CHN2: variants seen among roughly 807,000 people sequenced by gnomAD.
CHN2 encodes beta-chimaerin.
CHN2 carries 35 observed loss-of-function variants against 56.3 expected under a neutral mutation model. That is an observed-to-expected ratio of 0.62 (90% CI 0.47 to 0.82). The LOEUF is 0.82. CHN2 is among the 40% of genes least tolerant of loss of function. The pLI is 0.00. For synonymous variants in CHN2, 210 were observed against 212.8 expected (o/e 0.99, Z 0.12); for missense variants, 491 against 580.5 (o/e 0.85, Z 1.58).
chr7:29,262,098 G>A (rs1295949314), intron 1 of CHN2, among the ~76,000 whole-genome samples: 1 of 152,190 alleles, frequency 6.6e-6, no homozygotes, highest in Non-Finnish European at 1.5e-5. Context: ...AATCTGGAAG[G>A]CAGAGGTTGC....
intron 2 of CHN2, among the ~76,000 whole-genome samples, chr7:29,176,415 A>G (rs2128734336): frequency 1.3e-5 from 2 of 152,300 alleles, no homozygotes; most frequent in East Asian, 1.9e-4. Context: ...TGGACTTCTT[A>G]TTGGCAGGAA....
At chr7:29,218,177 C>CCCACCCATCTCCCACCCCCTT (rs1785480691) in intron 1 of CHN2, among the ~76,000 whole-genome samples, 1 of 141,830 alleles carries the variant, frequency 7.1e-6, no homozygotes, top group African/African-American at 2.6e-5. Context: ...GATGTCCCCT[C>CCCACCCATCTCCCACCCCCTT]CCACCCATCT....
At chr7:29,273,377 A>ATATATATATATATATATATATATATATG (rs1562882108) in intron 1 of CHN2, among the ~76,000 whole-genome samples, 6 of 52,406 alleles carry the variant, frequency 1.1e-4, no homozygotes, top group Non-Finnish European at 2.0e-4. Context: ...ATATATATAT[A>ATATATATATATATATATATATATATATG]TATATATATA....
At chr7:29,308,209 C>G (rs1289991839) in intron 1 of CHN2, among the ~76,000 whole-genome samples, 1 of 152,166 alleles carries the variant, frequency 6.6e-6, no homozygotes, top group African/African-American at 2.4e-5. Flanking sequence ...TCTCTCAGCT[C>G]CCACTCCTCC....
intron 12 of CHN2, among the ~76,000 whole-genome samples, chr7:29,511,071 C>T (rs989719216): frequency 7.0e-6 from 1 of 143,176 alleles, no homozygotes; most frequent in Non-Finnish European, 1.5e-5. Flanking sequence ...GCAGCCCATT[C>T]TTTGATAAAA....
At chr7:29,309,494 A>T (rs1794428820) in intron 1 of CHN2, among the ~76,000 whole-genome samples, 1 of 152,020 alleles carries the variant, frequency 6.6e-6, no homozygotes, top group Non-Finnish European at 1.5e-5. Flanking sequence ...CGGTGGTGGG[A>T]GCATGCCACC....
chr7:29,415,611 G>A (rs1309178674), intron 6 of CHN2, among the ~76,000 whole-genome samples: 1 of 152,220 alleles, frequency 6.6e-6, no homozygotes, highest in East Asian at 1.9e-4. Flanking sequence ...TGCGAGGAGG[G>A]AGATGGCCAG....
At chr7:29,414,602 T>C (rs1803547470) in intron 6 of CHN2, among the ~76,000 whole-genome samples, 2 of 151,992 alleles carry the variant, frequency 1.3e-5, no homozygotes, top group Admixed American at 1.3e-4. Flanking sequence ...TCACCTGAGA[T>C]TGACCACCGC....
chr7:29,463,714 C>T (rs1785347338), intron 6 of CHN2, among the ~76,000 whole-genome samples: 1 of 152,150 alleles, frequency 6.6e-6, no homozygotes, highest in Admixed American at 6.5e-5. Context: ...AAACAGGTCA[C>T]AATGTGGAAT....
intron 1 of CHN2, among the ~76,000 whole-genome samples, chr7:29,344,769 T>C (rs1218442686): frequency 1.3e-5 from 2 of 152,150 alleles, no homozygotes; most frequent in South Asian, 2.1e-4. Context: ...TGAAGGACCC[T>C]GGACAGGGCT....
intron 1 of CHN2, among the ~76,000 whole-genome samples, chr7:29,263,506 G>A (rs1789761239): frequency 6.6e-6 from 1 of 151,864 alleles, no homozygotes; most frequent in Admixed American, 6.5e-5. Flanking sequence ...GGGATGTGAG[G>A]AGCCCCTCTG....
intron 6 of CHN2, among the ~76,000 whole-genome samples, chr7:29,437,280 G>A (rs1406586819): frequency 6.6e-6 from 1 of 152,156 alleles, no homozygotes; most frequent in Non-Finnish European, 1.5e-5. Flanking sequence ...GCCATATGCT[G>A]GTGCATATCT....
At chr7:29,424,646 A>G (rs927915656) in intron 6 of CHN2, among the ~76,000 whole-genome samples, 2 of 152,192 alleles carry the variant, frequency 1.3e-5, no homozygotes, top group African/African-American at 2.4e-5. Flanking sequence ...TTTTAAAAAT[A>G]TTTTTAATTT....
intron 1 of CHN2, among the ~76,000 whole-genome samples, chr7:29,200,482 C>G (rs3793323): frequency 0.095 from 13,310 of 139,902 alleles, 870 homozygotes; most frequent in East Asian, 0.17. Context: ...CCTTCCCCCC[C>G]CCTTTTGTCT....
intron 1 of CHN2, 82 bp downstream of exon 1, chr7:29,195,072 C>T (rs1292279075): frequency 3.5e-6 from 5 of 1,426,098 alleles, no homozygotes; most frequent in South Asian, 2.5e-5. Flanking sequence ...ATGGACAGAG[C>T]CTACCTGTGG....
In CHN2 at chr7:29,398,471, A is replaced by G; in HGVS notation, c.275A>G (p.Tyr92Cys). ...GAAAGCCAGCGGCAACCAGGATGCT[A>G]CACGCTGGCTCTCAGGTGAGGCGCA... ...LRESQRQPGC[Y>C]TLALRFGNQT... The change falls in exon 5 of 13, where the codon TAC becomes TGC. Residue 92 changes from tyrosine (Y) to cysteine (C), a missense_variant. By Grantham distance (194) the Tyr-to-Cys change is radical. Coordinates refer to ENST00000222792, the MANE Select transcript of CHN2 (RefSeq NM_004067.4). The G allele has an allele frequency of 1.2e-6, 2 of 1,611,116 alleles. No individual in the cohort carries two copies. Among genetic ancestry groups the G allele is most frequent in the Non-Finnish European group, 1.7e-6 (2 of 1,177,908 alleles).
intron 6 of CHN2, among the ~76,000 whole-genome samples, chr7:29,405,190 C>CT (rs1802542958): frequency 2.0e-5 from 3 of 146,926 alleles, no homozygotes; most frequent in African/African-American, 7.7e-5. Flanking sequence ...CACACACACA[C>CT]ACACACACAC....
chr7:29,296,292 C>T (rs1349727334), intron 1 of CHN2, among the ~76,000 whole-genome samples: 1 of 152,016 alleles, frequency 6.6e-6, no homozygotes, highest in African/African-American at 2.4e-5. Flanking sequence ...GCCATGTTGA[C>T]CAGGCTGGTC....
intron 7 of CHN2, among the ~76,000 whole-genome samples, chr7:29,492,814 A>T (rs1376260165): frequency 6.6e-6 from 1 of 152,190 alleles, no homozygotes; most frequent in African/African-American, 2.4e-5. Flanking sequence ...ACTTCCATGT[A>T]TCTGAGTCAA....
Sources: gnomAD v4.1 joint callset for allele counts (sites outside exome capture counted in the v4.1 genomes callset) on GRCh38, gnomAD v4.1.1 for gene constraint, MANE v1.5 for transcripts, NCBI Gene and HGNC (gene_info 2026-07-23, HGNC 2026-07-21) for gene names.